The following PTGER4 variants were observed in gnomAD, a reference collection of about 807,000 sequenced individuals.
PTGER4 encodes prostaglandin E2 receptor EP4 subtype.
Under a neutral mutation model 33.2 loss-of-function variants are expected in PTGER4, and 11 were observed. The observed-to-expected ratio is 0.33, with a 90% CI of 0.21 to 0.55. The LOEUF (loss-of-function observed/expected upper bound fraction) is 0.55, where lower values mean the gene tolerates loss of function less well. Among genes scored for constraint, PTGER4 ranks in the 20% least tolerant of loss-of-function variants. The pLI is 0.92. For missense variants in PTGER4, 481 were observed against 650.2 expected, an observed-to-expected ratio of 0.74 and a Z score of 2.83; for synonymous variants, 275 against 281.5, an observed-to-expected ratio of 0.98 and a Z score of 0.23.
chr5:40,716,637 G>A, the PTGER4 span: 1 of 601,150 alleles, frequency 1.7e-6, no homozygotes, highest in East Asian at 2.8e-5. Flanking sequence ...CACAAAAGAT[G>A]GAAGCTACGG....
At chr5:40,718,984 C>T in the PTGER4 span, among the ~76,000 whole-genome samples, 1 of 152,088 alleles carries the variant, frequency 6.6e-6, no homozygotes, top group Non-Finnish European at 1.5e-5. Context: ...TAAAAATCCA[C>T]CTATATAGAA....
the PTGER4 span, among the ~76,000 whole-genome samples, chr5:40,711,059 T>C: frequency 6.6e-6 from 1 of 151,996 alleles, no homozygotes; most frequent in Admixed American, 6.6e-5. Flanking sequence ...ACATGTACCC[T>C]AGAACTTAAT....
chr5:40,703,185 A>C, the PTGER4 span, among the ~76,000 whole-genome samples: 1 of 151,146 alleles, frequency 6.6e-6, no homozygotes, highest in Non-Finnish European at 1.5e-5. Context: ...ATTCAAAAAC[A>C]TTCAAAAGAT....
downstream of PTGER4, among the ~76,000 whole-genome samples, chr5:40,693,991 T>C (rs1741532225): frequency 6.6e-6 from 1 of 152,192 alleles, no homozygotes; most frequent in Non-Finnish European, 1.5e-5. Context: ...AAATAATTAT[T>C]ACTAAAATGA....
At chr5:40,712,960 G>A in the PTGER4 span, among the ~76,000 whole-genome samples, 2 of 152,176 alleles carry the variant, frequency 1.3e-5, no homozygotes, top group African/African-American at 4.8e-5. Context: ...TGACTTTAGG[G>A]ATAACCTCCT....
intron 2 of PTGER4, among the ~76,000 whole-genome samples, chr5:40,685,692 G>A (rs1057039512): frequency 2.4e-4 from 37 of 152,266 alleles, no homozygotes; most frequent in African/African-American, 8.9e-4. Flanking sequence ...TAAGGAGAAA[G>A]TAGGGCTGAC....
At chr5:40,708,854 C>T in the PTGER4 span, among the ~76,000 whole-genome samples, 2 of 152,068 alleles carry the variant, frequency 1.3e-5, no homozygotes, top group Non-Finnish European at 2.9e-5. Flanking sequence ...GGGCTTCATC[C>T]CTGGGATGCA....
the PTGER4 span, among the ~76,000 whole-genome samples, chr5:40,708,748 A>G: frequency 1.3e-5 from 2 of 152,218 alleles, no homozygotes; most frequent in Non-Finnish European, 2.9e-5. Context: ...ATTTTAGACC[A>G]ATATCCCTGA....
the PTGER4 span, among the ~76,000 whole-genome samples, chr5:40,736,240 GTATC>G: frequency 6.6e-6 from 1 of 152,132 alleles, no homozygotes; most frequent in Non-Finnish European, 1.5e-5. Flanking sequence ...TACACTGACT[GTATC>G]TATGTTTTTC....
At chr5:40,699,897 G>T in the PTGER4 span, among the ~76,000 whole-genome samples, 6 of 151,948 alleles carry the variant, frequency 3.9e-5, no homozygotes, top group Non-Finnish European at 8.8e-5. Context: ...AGACTAAAAA[G>T]CTGTATATAA....
chr5:40,692,271 G>A lies in PTGER4; in HGVS notation c.1360G>A (p.Val454Met). The A allele has an allele frequency of 6.2e-7, 1 of 1,614,226 alleles. No individual in the cohort carries two copies. Among genetic ancestry groups the A allele is most frequent in the Non-Finnish European group, 8.5e-7 (1 of 1,180,044 alleles). ...TCAGGACTCAGAGAGTGTCTTACTGGTGGATGAGGCTGGTGGGAGCGGCAG... is the reference window on the plus strand; with the variant it reads ...TCAGGACTCAGAGAGTGTCTTACTGATGGATGAGGCTGGTGGGAGCGGCAG... ...QGQDSESVLL[V>M]DEAGGSGRAG... Residue 454 changes from valine to methionine, a missense_variant, in exon 3 of 3, where the codon GTG becomes ATG. Val to Met is a conservative substitution (Grantham distance 21). This residue lies in a region of PTGER4 where 172 missense variants were observed against 199.2 expected (regional missense o/e 0.86). Transcript: ENST00000302472.
chr5:40,726,434 G>T, the PTGER4 span, among the ~76,000 whole-genome samples: 1 of 150,792 alleles, frequency 6.6e-6, no homozygotes, highest in Non-Finnish European at 1.5e-5. Flanking sequence ...TTTACATAGT[G>T]TCCCTTCGTT....
chr5:40,718,467 C>T, the PTGER4 span, among the ~76,000 whole-genome samples: 8 of 152,020 alleles, frequency 5.3e-5, no homozygotes, highest in East Asian at 3.9e-4. Context: ...TTTGGCCAGG[C>T]GTGGTGGCTC....
chr5:40,725,355 A>C, the PTGER4 span, among the ~76,000 whole-genome samples: 1 of 152,128 alleles, frequency 6.6e-6, no homozygotes, highest in Admixed American at 6.5e-5. Flanking sequence ...TGTCCATCCC[A>C]TTACTACCAT....
At chr5:40,744,441 T>C in the PTGER4 span, among the ~76,000 whole-genome samples, 9 of 150,860 alleles carry the variant, frequency 6.0e-5, no homozygotes, top group Non-Finnish European at 1.3e-4. Flanking sequence ...CTTTGATTCA[T>C]GTTTACAAAA....
At chr5:40,710,028 T>C in the PTGER4 span, among the ~76,000 whole-genome samples, 2 of 152,244 alleles carry the variant, frequency 1.3e-5, no homozygotes, top group Non-Finnish European at 2.9e-5. Context: ...AAGGACTTCA[T>C]GTCTAAAACA....
At chr5:40,700,781 A>G in the PTGER4 span, among the ~76,000 whole-genome samples, 3 of 152,100 alleles carry the variant, frequency 2.0e-5, no homozygotes, top group African/African-American at 7.2e-5. Flanking sequence ...AGGAACCCAC[A>G]CCTTCAGAGC....
chr5:40,699,851 T>C, the PTGER4 span, among the ~76,000 whole-genome samples: 1 of 152,144 alleles, frequency 6.6e-6, no homozygotes. Flanking sequence ...AAAAAAAGTA[T>C]AAAAATCTAC....
At chr5:40,729,118 G>A in the PTGER4 span, among the ~76,000 whole-genome samples, 1 of 152,048 alleles carries the variant, frequency 6.6e-6, no homozygotes, top group South Asian at 2.1e-4. Context: ...ATTATTATCA[G>A]GTTCCAAATT....
Sources: allele counts gnomAD v4.1 joint callset (sites outside exome capture counted in the v4.1 genomes callset), GRCh38; gene constraint gnomAD v4.1.1; regional missense constraint gnomAD v4.1.1; transcripts MANE v1.5; gene names NCBI Gene and HGNC (gene_info 2026-07-23, HGNC 2026-07-21).